Variants in ANGPT1 observed in about 807,000 individuals in gnomAD.
ANGPT1 encodes angiopoietin 1.
ANGPT1 carries 17 observed loss-of-function variants against 62.2 expected under a neutral mutation model. The ratio of observed to expected loss-of-function variants is 0.27; its 90% CI spans 0.19 to 0.41. The LOEUF is 0.41. Among genes scored for constraint, ANGPT1 ranks in the 10% least tolerant of loss-of-function variants. The pLI, the probability that ANGPT1 is intolerant of heterozygous loss-of-function variation, is 1.00. For missense variants in ANGPT1, 478 were observed against 594.9 expected (o/e 0.80, Z 2.04); for synonymous variants, 199 against 198.9 (o/e 1.00, Z 0.00).
chr8:107,395,434 G>C (rs1044429408), intron 1 of ANGPT1, among the ~76,000 whole-genome samples: 2 of 152,038 alleles, frequency 1.3e-5, no homozygotes, highest in Non-Finnish European at 2.9e-5. Flanking sequence ...AGAATTTTCA[G>C]TGTATTACAC....
chr8:107,420,694 A>G (rs1810874848), intron 1 of ANGPT1, among the ~76,000 whole-genome samples: 1 of 152,188 alleles, frequency 6.6e-6, no homozygotes, highest in South Asian at 2.1e-4. Context: ...TATTTAGGTC[A>G]GCATTCATAT....
intron 1 of ANGPT1, among the ~76,000 whole-genome samples, chr8:107,379,457 CTGTT>C (rs939929071): frequency 1.3e-5 from 2 of 151,964 alleles, no homozygotes; most frequent in African/African-American, 4.8e-5. Context: ...CATTACAGCA[CTGTT>C]TGTTTAAGTA....
At chr8:107,486,793 C>T (rs1435546291) in intron 1 of ANGPT1, among the ~76,000 whole-genome samples, 2 of 152,100 alleles carry the variant, frequency 1.3e-5, no homozygotes, top group African/African-American at 2.4e-5. Flanking sequence ...GCTGTACTAC[C>T]GTTAAACTTG....
intron 1 of ANGPT1, among the ~76,000 whole-genome samples, chr8:107,362,624 T>C (rs1413977326): frequency 1.3e-5 from 2 of 152,190 alleles, no homozygotes; most frequent in East Asian, 1.9e-4. Context: ...TAGGATCTCA[T>C]TGAGGCCTTT....
intron 2 of ANGPT1, 109 bp downstream of exon 2, chr8:107,346,833 T>A (rs941629029): frequency 2.0e-6 from 2 of 995,784 alleles, no homozygotes; most frequent in Non-Finnish European, 2.8e-6. Context: ...AACAAAAATG[T>A]ATGTTTCCCT....
intron 2 of ANGPT1, among the ~76,000 whole-genome samples, chr8:107,345,921 A>G (rs1451879924): frequency 6.6e-6 from 1 of 152,232 alleles, no homozygotes; most frequent in East Asian, 1.9e-4. Flanking sequence ...CAAGGGAGAT[A>G]GAAAAGAAAT....
At position 107,298,962 on chromosome 8, in the gene ANGPT1, T is replaced by C. The variant is rs117898499; in HGVS notation, c.936+4278A>G. Reference sequence around the variant, plus strand: ...CATGGAAGGGTGAAAGTCTTAACGATGAATTTTGCTAGCACTTTTTATAGG... The same window carrying C: ...CATGGAAGGGTGAAAGTCTTAACGACGAATTTTGCTAGCACTTTTTATAGG... On this transcript the variant is annotated intron_variant, in intron 5 of 8. Transcript: ENST00000517746. Among the ~76,000 whole-genome samples the C allele has an allele frequency of 4.5e-4, 68 of 151,918 alleles. 1 individual carries two copies. Among genetic ancestry groups the C allele is most frequent in the Admixed American group, 4.4e-3 (67 of 15,194 alleles).
intron 4 of ANGPT1, among the ~76,000 whole-genome samples, chr8:107,314,927 G>T (rs1814979498): frequency 6.6e-6 from 1 of 152,162 alleles, no homozygotes; most frequent in Non-Finnish European, 1.5e-5. Context: ...GGGACTTGCA[G>T]TTCAAACTAT....
rs753412026 is a variant in ANGPT1 at position 107,282,553 on chromosome 8, C to CATATATATATAT, written c.1205+2117_1205+2128dup. ...TTATATATATATTACATATATGAAC[C>CATATATATATAT]ATATATATATATATATATATATATA... is the stretch of plus-strand genomic sequence containing the variant. On this transcript the variant is annotated intron_variant, in intron 7 of 8. Coordinates refer to ENST00000517746, the MANE Select transcript of ANGPT1 (RefSeq NM_001146.5). 3.3e-3 allele frequency among the ~76,000 whole-genome samples: 168 copies of CATATATATATAT among 51,060 alleles called. 7 individuals carry two copies. Among genetic ancestry groups the CATATATATATAT allele is most frequent in the East Asian group, 5.7e-3 (10 of 1,750 alleles). 33.5% of individuals were successfully genotyped at this position (51,060 alleles called of 152,430 possible). A position where few individuals can be genotyped will look rare whatever the true frequency, so the allele number is the denominator to read the frequency against.
chr8:107,294,718 A>G (rs1387210226), intron 5 of ANGPT1: 1 of 152,222 alleles, frequency 6.6e-6, no homozygotes, highest in Non-Finnish European at 1.5e-5. Context: ...GAAAATTTAT[A>G]CAAATCTTTC....
chr8:107,371,421 TGAACCA>T lies in ANGPT1; in HGVS notation c.298-24330_298-24325del, dbSNP rs1334564130. On this transcript the variant is annotated intron_variant, in intron 1 of 8. Coordinates refer to ENST00000517746, the MANE Select transcript of ANGPT1 (RefSeq NM_001146.5). Reference sequence around the variant, plus strand: ...TTGAAAATCACATCTCATTGGAAGTTGAACCAGAAAAAAGAAGAACACTGAAGCTTA... The same window carrying T: ...TTGAAAATCACATCTCATTGGAAGTTGAAAAAAGAAGAACACTGAAGCTTA... Among the ~76,000 whole-genome samples, 15 of 152,142 alleles carry T rather than the reference TGAACCA, an allele frequency of 9.9e-5. 1 individual carries two copies. Among genetic ancestry groups the T allele is most frequent in the Non-Finnish European group, 2.1e-4 (14 of 68,026 alleles).
At chr8:107,414,819 G>A (rs971551111) in intron 1 of ANGPT1, among the ~76,000 whole-genome samples, 4 of 152,104 alleles carry the variant, frequency 2.6e-5, no homozygotes, top group African/African-American at 9.7e-5. Context: ...TCTGCTAAAG[G>A]GAGAGGAATC....
chr8:107,398,520 T>A (rs1006376004), intron 1 of ANGPT1, among the ~76,000 whole-genome samples: 5 of 137,524 alleles, frequency 3.6e-5, no homozygotes, highest in Admixed American at 7.5e-5. Flanking sequence ...TTTTTTTTGC[T>A]AAGTGTGAAA....
In ANGPT1 at chr8:107,297,046, C is replaced by T. The variant is rs571323273; in HGVS notation, c.937-3009G>A. Among the ~76,000 whole-genome samples the T allele has an allele frequency of 8.6e-5, 13 of 150,914 alleles. No homozygotes were observed. The South Asian group carries it at 1.1e-3, about 12-fold the overall frequency. ...ACTCGGAAATTTTTGAAAAAGACAA[C>T]TTTCCTTCTAAACAGAGGAATCCAG... On this transcript the variant is annotated intron_variant, in intron 5 of 8. Coordinates refer to ENST00000517746, the MANE Select transcript of ANGPT1 (RefSeq NM_001146.5).
chr8:107,423,459 C>T (rs1383125981), intron 1 of ANGPT1, among the ~76,000 whole-genome samples: 1 of 152,076 alleles, frequency 6.6e-6, no homozygotes, highest in Non-Finnish European at 1.5e-5. Context: ...AGACCTGGGC[C>T]CCCGAAAGGC....
intron 1 of ANGPT1, among the ~76,000 whole-genome samples, chr8:107,406,362 A>G (rs1265506356): frequency 6.6e-6 from 1 of 152,006 alleles, no homozygotes; most frequent in Non-Finnish European, 1.5e-5. Flanking sequence ...CAGATTTAAC[A>G]AGCAAAAATG....
chr8:107,475,076 C>A (rs555131404), intron 1 of ANGPT1, among the ~76,000 whole-genome samples: 235 of 152,068 alleles, frequency 1.5e-3, no homozygotes, highest in African/African-American at 5.5e-3. Context: ...CAGAATTAGA[C>A]AAAAGTACTT....
chr8:107,386,375 G>A (rs1045390296), intron 1 of ANGPT1, among the ~76,000 whole-genome samples: 8 of 152,086 alleles, frequency 5.3e-5, no homozygotes, highest in Admixed American at 1.3e-4. Flanking sequence ...CCTGCATGTT[G>A]TACACCTTGA....
At chr8:107,312,129 C>T (rs1048091625) in intron 4 of ANGPT1, among the ~76,000 whole-genome samples, 1 of 151,516 alleles carries the variant, frequency 6.6e-6, no homozygotes, top group African/African-American at 2.4e-5. Flanking sequence ...GAAATACACA[C>T]CATCTTTGTT....
Sources: allele counts gnomAD v4.1 joint callset (sites outside exome capture counted in the v4.1 genomes callset), GRCh38; gene constraint gnomAD v4.1.1; transcripts MANE v1.5; gene names NCBI Gene and HGNC (gene_info 2026-07-23, HGNC 2026-07-21).